Variants in LIPA observed in about 807,000 individuals in gnomAD.
The protein encoded by LIPA is lysosomal acid lipase/cholesteryl ester hydrolase.
In LIPA, 26 loss-of-function variants were observed where a neutral mutation model predicts 40.6. The ratio of observed to expected loss-of-function variants is 0.64; its 90% CI spans 0.47 to 0.89. The LOEUF (loss-of-function observed/expected upper bound fraction) is 0.89, where lower values mean the gene tolerates loss of function less well. Ranked by LOEUF, LIPA falls within the 40% of genes least tolerant of loss-of-function variation. LIPA has a pLI of 0.00. For synonymous variants in LIPA, 188 were observed against 168.4 expected, an observed-to-expected ratio of 1.12 and a Z score of -0.90; for missense variants, 455 against 479.6, an observed-to-expected ratio of 0.95 and a Z score of 0.48.
chr10:89,365,140 G>T (rs779111571), intron 2 of LIPA, among the ~76,000 whole-genome samples: 3 of 152,120 alleles, frequency 2.0e-5, no homozygotes, highest in Non-Finnish European at 2.9e-5. Context: ...TTTTGGTGAG[G>T]AGATTTATTA....
At chr10:89,232,817 A>C (rs867098652) in intron 3 of LIPA, among the ~76,000 whole-genome samples, 14 of 152,188 alleles carry the variant, frequency 9.2e-5, no homozygotes, top group Admixed American at 2.0e-4. Flanking sequence ...GAAGCTGACA[A>C]GTTGAAGATA....
At position 89,325,091 on chromosome 10, in the gene LIPA, T is replaced by TA. The variant is rs914197917; in HGVS notation, c.-2+17519dup. Among the ~76,000 whole-genome samples, 7 of 151,742 alleles carry TA rather than the reference T, an allele frequency of 4.6e-5. No homozygotes were observed. The East Asian group carries it at 5.8e-4, about 13-fold the overall frequency. On this transcript the variant is annotated intron_variant, in intron 1 of 5. Transcript: ENST00000282673. ...AATAAATTTCTTCCTTCAGATACCC[T>TA]AAAAAAAAGAATATGAAAAAATACT...
At chr10:89,261,335 T>C (rs1843206067) in intron 1 of LIPA, among the ~76,000 whole-genome samples, 1 of 152,094 alleles carries the variant, frequency 6.6e-6, no homozygotes, top group Non-Finnish European at 1.5e-5. Context: ...CAAAACTCCA[T>C]GTCTACTAAA....
rs1384850675 is a variant in LIPA, at chr10:89,350,505, C to A, written c.61+62286G>T. Reference sequence around the variant, plus strand: ...TATTTTTAGTAGAGAAGGGGTTTCACCATGTTGCCCAGGATGGTCTCGAAC... The same window carrying A: ...TATTTTTAGTAGAGAAGGGGTTTCAACATGTTGCCCAGGATGGTCTCGAAC... On this transcript the variant is annotated intron_variant, in intron 2 of 8. Coordinates refer to the LIPA transcript ENST00000371837. 2.0e-5 allele frequency among the ~76,000 whole-genome samples: 3 copies of A among 152,112 alleles called. No individual in the cohort carries two copies. In the East Asian group the frequency reaches 5.8e-4, roughly 29 times the overall value.
chr10:89,294,317 G>C (rs2133511309), intron 1 of LIPA, among the ~76,000 whole-genome samples: 1 of 152,312 alleles, frequency 6.6e-6, no homozygotes, highest in East Asian at 1.9e-4. Flanking sequence ...TTGGGAGATT[G>C]GGTAATTTAT....
rs1723083537 is a variant in LIPA, at chr10:89,215,930, A to C, written c.966+8T>G. Reference sequence around the variant, plus strand: ...GGCCCCCTTTAATGAAAAGACTAAAAACTTTACCTGGTTGTAATGAAAATA... The same window carrying C: ...GGCCCCCTTTAATGAAAAGACTAAACACTTTACCTGGTTGTAATGAAAATA... On this transcript the variant is annotated splice_region_variant and intron_variant, in intron 9 of 9. Coordinates refer to ENST00000336233, the MANE Select transcript of LIPA (RefSeq NM_000235.4). The C allele has an allele frequency of 6.3e-7, 1 of 1,594,250 alleles. No individual in the cohort carries two copies. The highest frequency in any genetic ancestry group is 1.1e-5 in the South Asian group (1 of 90,642).
At chr10:89,231,039 T>C (rs901836154) in intron 3 of LIPA, among the ~76,000 whole-genome samples, 15 of 152,174 alleles carry the variant, frequency 9.9e-5, no homozygotes. Context: ...GAAATCCACT[T>C]GGTATAATAA....
chr10:89,350,594 C>A (rs1475825756), intron 2 of LIPA, among the ~76,000 whole-genome samples: 1 of 151,344 alleles, frequency 6.6e-6, no homozygotes, highest in Non-Finnish European at 1.5e-5. Context: ...TGTGAGCCAC[C>A]GTGCCTGGCC....
intron 2 of LIPA, chr10:89,384,028 T>G: frequency 6.2e-7 from 1 of 1,614,208 alleles, no homozygotes; most frequent in South Asian, 1.1e-5. Context: ...AGGAGAAAAG[T>G]ACATTGAAGA....
chr10:89,257,393 T>G (rs1030280909), intron 1 of LIPA, among the ~76,000 whole-genome samples: 4 of 152,166 alleles, frequency 2.6e-5, no homozygotes, highest in Non-Finnish European at 5.9e-5. Flanking sequence ...TATGAACATG[T>G]GTGTTTGGGA....
intron 2 of LIPA, among the ~76,000 whole-genome samples, chr10:89,387,791 A>G (rs1310145709): frequency 6.6e-6 from 1 of 152,262 alleles, no homozygotes; most frequent in Admixed American, 6.5e-5. Context: ...TAGAGAAATG[A>G]GTGGATGAAT....
chr10:89,247,676 T>C (rs763693035), intron 1 of LIPA, 27 bp from the exon 2 acceptor site: 1 of 1,482,126 alleles, frequency 6.7e-7, no homozygotes, highest in South Asian at 1.1e-5. Context: ...TCTATTATTA[T>C]TTGCTTGAAT....
chr10:89,399,475 T>C (rs1364660098), intron 2 of LIPA, among the ~76,000 whole-genome samples: 3 of 152,176 alleles, frequency 2.0e-5, no homozygotes, highest in Non-Finnish European at 4.4e-5. Context: ...TACAAAGCTT[T>C]TTCCTTTCTT....
intron 1 of LIPA, among the ~76,000 whole-genome samples, chr10:89,248,641 AT>A (rs962288366): frequency 1.4e-5 from 2 of 144,792 alleles, no homozygotes; most frequent in African/African-American, 2.7e-5. Context: ...CGCCCGGCAA[AT>A]TTTTTTGTAT....
At chr10:89,254,221 C>T (rs1843169714), upstream of LIPA, among the ~76,000 whole-genome samples, 1 of 152,218 alleles carries the variant, frequency 6.6e-6, no homozygotes, top group Non-Finnish European at 1.5e-5. Context: ...CTTGAGGGCC[C>T]CACCCCTGCA....
At chr10:89,368,002 T>G (rs1366126476) in intron 2 of LIPA, among the ~76,000 whole-genome samples, 1 of 152,066 alleles carries the variant, frequency 6.6e-6, no homozygotes, top group African/African-American at 2.4e-5. Context: ...TTTTTTAATT[T>G]TTTGTAGAGT....
chr10:89,353,667 C>T (rs140140751), intron 2 of LIPA, among the ~76,000 whole-genome samples: 272 of 152,246 alleles, frequency 1.8e-3, no homozygotes, highest in African/African-American at 6.3e-3. Context: ...CCCACTTGGC[C>T]CTCTTTCAAG....
intron 1 of LIPA, among the ~76,000 whole-genome samples, chr10:89,297,215 C>T (rs1843420375): frequency 6.6e-6 from 1 of 152,188 alleles, no homozygotes; most frequent in South Asian, 2.1e-4. Context: ...CAGCAGTCCA[C>T]ATCCCTCCTG....
At chr10:89,385,141 T>G (rs929259756) in intron 2 of LIPA, 1 of 162,630 alleles carries the variant, frequency 6.1e-6, no homozygotes, top group Non-Finnish European at 1.3e-5. Flanking sequence ...AGTCATTAGG[T>G]GTCTGTATTT....
Sources: allele counts gnomAD v4.1 joint callset (sites outside exome capture counted in the v4.1 genomes callset), GRCh38; gene constraint gnomAD v4.1.1; transcripts MANE v1.5; gene names NCBI Gene and HGNC (gene_info 2026-07-23, HGNC 2026-07-21).